EPG5: variants seen among roughly 807,000 people sequenced by gnomAD.
The protein encoded by EPG5 is ectopic P granules protein 5 homolog.
EPG5 carries 159 observed loss-of-function variants against 302.7 expected under a neutral mutation model. The observed-to-expected ratio is 0.53, with a 90% CI of 0.46 to 0.60. The LOEUF (loss-of-function observed/expected upper bound fraction) is 0.60. Among genes scored for constraint, EPG5 ranks in the 20% least tolerant of loss-of-function variants. EPG5 has a pLI of 0.00. For synonymous variants in EPG5, 1,158 were observed against 1,136.8 expected (o/e 1.02, Z -0.37); for missense variants, 2,896 against 3,092.4 (o/e 0.94, Z 1.51).
At chr18:45,841,024 C>T in the EPG5 span, 1 of 152,266 alleles carries the variant, frequency 6.6e-6, no homozygotes, top group Non-Finnish European at 1.5e-5. Context: ...GTACTAAAGA[C>T]ACAGCAAGAT....
In EPG5 at chr18:45,865,727, A is replaced by G; in HGVS notation, c.6654T>C (p.His2218=). 1 of 1,612,412 alleles carries G rather than the reference A, an allele frequency of 6.2e-7. No homozygotes were observed. The highest frequency in any genetic ancestry group is 8.5e-7 in the Non-Finnish European group (1 of 1,179,426). The change falls in exon 39 of 44, where the codon CAT becomes CAC. Residue 2218 remains histidine (H), a synonymous_variant. Transcript: ENST00000282041. ...DAVPKCQAFT[H]QMVQFLSTLE... The stretch of plus-strand genomic sequence containing the variant: ...GGGTGCTGAGGAATTGAACCATCTG[A>G]TGAGTAAAAGCTTGGCATTTTGGAA...
chr18:45,812,744 C>T, the EPG5 span, among the ~76,000 whole-genome samples: 36 of 152,198 alleles, frequency 2.4e-4, no homozygotes, highest in Non-Finnish European at 4.7e-4. Flanking sequence ...GGATCCCTTC[C>T]TTACACCTTA....
At chr18:45,951,816 T>C (rs2050915457) in intron 3 of EPG5, among the ~76,000 whole-genome samples, 1 of 152,144 alleles carries the variant, frequency 6.6e-6, no homozygotes, top group Non-Finnish European at 1.5e-5. Flanking sequence ...CCCAGTTAAT[T>C]GATTAGTTAA....
intron 20 of EPG5, among the ~76,000 whole-genome samples, chr18:45,914,655 C>T (rs1285622661): frequency 2.0e-5 from 3 of 152,204 alleles, no homozygotes; most frequent in Non-Finnish European, 4.4e-5. Flanking sequence ...AGGCAAGCTG[C>T]CCAAGGCACA....
Position 45,916,132 on chromosome 18 carries a change from G to C in EPG5, c.3459C>G (p.Leu1153=), listed in dbSNP as rs750634776. Residue 1153 remains leucine (L), a synonymous_variant, in exon 19 of 44, where the codon CTC becomes CTG. Coordinates refer to ENST00000282041, the MANE Select transcript of EPG5 (RefSeq NM_020964.3). ...CTCGGTACCAGAGATGCTGGCTTAT[G>C]AGAGCCTGAACCCAGAACTCCAACA... The part of the protein sequence containing the change: ...VAVLEFWVQA[L]ISQHLWYREQ... 3 of 1,614,026 alleles carry C rather than the reference G, an allele frequency of 1.9e-6. No individual in the cohort carries two copies. Among genetic ancestry groups the C allele is most frequent in the East Asian group, 4.5e-5 (2 of 44,896 alleles).
chr18:45,812,814 C>A, the EPG5 span, among the ~76,000 whole-genome samples: 1 of 152,150 alleles, frequency 6.6e-6, no homozygotes, highest in African/African-American at 2.4e-5. Flanking sequence ...ACCATAAAAA[C>A]CCTAAAAGAA....
intron 20 of EPG5, 124 bp downstream of exon 20, chr18:45,915,387 A>G: frequency 1.4e-6 from 1 of 695,216 alleles, no homozygotes; most frequent in Non-Finnish European, 2.5e-6. Context: ...ATGAAAAAGT[A>G]TACTTACACT....
chr18:45,824,180 G>A, the EPG5 span, among the ~76,000 whole-genome samples: 1 of 152,100 alleles, frequency 6.6e-6, no homozygotes, highest in Non-Finnish European at 1.5e-5. Context: ...GAACCTGAAG[G>A]GCCTCCTGTG....
intron 9 of EPG5, 93 bp downstream of exon 9, chr18:45,943,068 T>C: frequency 7.8e-7 from 1 of 1,274,796 alleles, no homozygotes; most frequent in Non-Finnish European, 1.1e-6. Flanking sequence ...GACCTGAGGT[T>C]TACAACTAAA....
At chr18:45,917,032 C>A (rs777168782) in intron 17 of EPG5, among the ~76,000 whole-genome samples, 1 of 152,180 alleles carries the variant, frequency 6.6e-6, no homozygotes, top group African/African-American at 2.4e-5. Context: ...GGGGGAGAAA[C>A]CTGGGAATCC....
At chr18:45,816,625 T>C in the EPG5 span, among the ~76,000 whole-genome samples, 2 of 152,056 alleles carry the variant, frequency 1.3e-5, no homozygotes, top group Non-Finnish European at 1.5e-5. Flanking sequence ...AAATAGTAGA[T>C]GTTAGCGTGG....
At chr18:45,926,963 T>A (rs1192948043) in intron 13 of EPG5, among the ~76,000 whole-genome samples, 1 of 152,040 alleles carries the variant, frequency 6.6e-6, no homozygotes. Flanking sequence ...CTTCCTACTG[T>A]ATTGAACTGT....
chr18:45,944,476 C>A (rs563561784), intron 7 of EPG5, among the ~76,000 whole-genome samples: 1 of 152,100 alleles, frequency 6.6e-6, no homozygotes, highest in African/African-American at 2.4e-5. Flanking sequence ...ACAGATGGGC[C>A]GGGCGCGGTG....
chr18:45,840,794 C>T, the EPG5 span: 5 of 152,608 alleles, frequency 3.3e-5, no homozygotes, highest in Non-Finnish European at 5.9e-5. Context: ...AGCCTAGGCA[C>T]TCCCATAACT....
the EPG5 span, chr18:45,837,415 T>C: frequency 7.3e-7 from 1 of 1,375,362 alleles, no homozygotes; most frequent in African/African-American, 1.5e-5. Context: ...AGGCTAGGGG[T>C]TGGGGGAGCG....
At chr18:45,878,340 C>T (rs370602014) in intron 34 of EPG5, 36 bp downstream of exon 34, 29 of 1,400,944 alleles carry the variant, frequency 2.1e-5, no homozygotes, top group Non-Finnish European at 2.7e-5. Context: ...AGTCTACAAA[C>T]GTCAAAGGAA....
the EPG5 span, among the ~76,000 whole-genome samples, chr18:45,809,068 A>C: frequency 6.6e-6 from 1 of 152,224 alleles, no homozygotes; most frequent in East Asian, 1.9e-4. Flanking sequence ...AATTGACACC[A>C]AAAGTGAGCA....
At chr18:45,913,575 G>T in intron 21 of EPG5, 131 bp downstream of exon 21, 1 of 1,090,654 alleles carries the variant, frequency 9.2e-7, no homozygotes, top group Non-Finnish European at 1.3e-6. Flanking sequence ...TTTAAGTATT[G>T]GTTTGGTTGT....
Position 45,849,881 on chromosome 18 carries a change from A to G in EPG5, c.*2586T>C, listed in dbSNP as rs1396242886. On this transcript the variant is annotated 3_prime_UTR_variant, in exon 44 of 44. Transcript: ENST00000282041. ...ACTGCTACTGTCATGCTATGTAGAC[A>G]GTTGTGTAGACACATCTGGCAGGAC... 1 of 152,222 alleles carries G rather than the reference A, an allele frequency of 6.6e-6. No homozygotes were observed. Among genetic ancestry groups the G allele is most frequent in the Admixed American group, 6.5e-5 (1 of 15,280 alleles). The allele number at this position is 152,222 out of a possible 1,614,324, so 9.4% of individuals were successfully genotyped here.
Sources: allele counts gnomAD v4.1 joint callset (sites outside exome capture counted in the v4.1 genomes callset), GRCh38; gene constraint gnomAD v4.1.1; transcripts MANE v1.5; gene names NCBI Gene and HGNC (gene_info 2026-07-23, HGNC 2026-07-21).